Variants in DOCK1 observed in about 807,000 individuals in gnomAD.
DOCK1 encodes dedicator of cytokinesis 1.
Under a neutral mutation model 262.7 loss-of-function variants are expected in DOCK1, and 138 were observed. The observed-to-expected ratio is 0.53, with a 90% CI of 0.46 to 0.61. DOCK1 has a LOEUF of 0.61. DOCK1 is among the 20% of genes least tolerant of loss of function. The pLI is 0.00. For missense variants in DOCK1, 1,908 were observed against 2,370.7 expected, an observed-to-expected ratio of 0.80 and a Z score of 4.05; for synonymous variants, 866 against 867.4, an observed-to-expected ratio of 1.00 and a Z score of 0.03.
intron 29 of DOCK1, among the ~76,000 whole-genome samples, chr10:127,297,166 G>A (rs2135406520): frequency 6.6e-6 from 1 of 152,312 alleles, no homozygotes; most frequent in South Asian, 2.1e-4. Flanking sequence ...GCCAAGAAAT[G>A]TGGGTGGACA....
At chr10:126,961,775 T>G (rs1000450961) in intron 1 of DOCK1, among the ~76,000 whole-genome samples, 1 of 152,202 alleles carries the variant, frequency 6.6e-6, no homozygotes, top group Non-Finnish European at 1.5e-5. Flanking sequence ...GTTCCACTTT[T>G]TGGCTGTTGT....
intron 38 of DOCK1, among the ~76,000 whole-genome samples, chr10:127,395,927 C>T (rs915633938): frequency 6.6e-6 from 1 of 152,232 alleles, no homozygotes; most frequent in Admixed American, 6.5e-5. Context: ...CTGCAGAGAG[C>T]AGATGGAGGT....
rs1052296542 is a variant in DOCK1 at position 127,422,604 on chromosome 10, T to C, written c.4776+2855T>C. On this transcript the variant is annotated intron_variant, in intron 46 of 51. Transcript: ENST00000623213. ...TTGAAATCTGTTTGCTTTGGAATTA[T>C]GGTTTTGAACGTCCTCAGAGTTTGA... Among the ~76,000 whole-genome samples the C allele has an allele frequency of 4.6e-5, 7 of 152,246 alleles. No homozygotes were observed. In the East Asian group the frequency reaches 7.7e-4, roughly 17 times the overall value.
At chr10:127,392,281 G>T (rs1176024709) in intron 38 of DOCK1, among the ~76,000 whole-genome samples, 1 of 152,030 alleles carries the variant, frequency 6.6e-6, no homozygotes, top group Non-Finnish European at 1.5e-5. Flanking sequence ...GCATTTCTGA[G>T]AAGCTCCCAG....
Position 127,190,683 on chromosome 10 carries a change from C to T in DOCK1, c.2848-57325C>T, listed in dbSNP as rs1436783984. ...CCTATCTTCCCCCCCCCCCCCCCCC[C>T]GTTCCTGCTGGCTCCCAGATTTCTG... On this transcript the variant is annotated intron_variant, in intron 27 of 51. Transcript: ENST00000623213. 5.6e-4 allele frequency among the ~76,000 whole-genome samples: 34 copies of T among 61,216 alleles called. 1 individual carries two copies. The highest frequency in any genetic ancestry group is 1.7e-3 in the African/African-American group (28 of 16,858). The allele number at this position is 61,216 out of a possible 152,430, so 40.2% of individuals were successfully genotyped here.
intron 29 of DOCK1, among the ~76,000 whole-genome samples, chr10:127,320,045 T>C (rs2062450433): frequency 6.6e-6 from 1 of 152,124 alleles, no homozygotes; most frequent in Admixed American, 6.6e-5. Flanking sequence ...AGCAGAGCAG[T>C]CAACAAGTTA....
intron 29 of DOCK1, among the ~76,000 whole-genome samples, chr10:127,278,733 T>C (rs778913370): frequency 6.6e-6 from 1 of 152,230 alleles, no homozygotes; most frequent in Non-Finnish European, 1.5e-5. Flanking sequence ...AAAGATGTGT[T>C]GTTTCTTGGC....
rs2050576624 is a variant in DOCK1 at position 127,135,095 on chromosome 10, A to G, written c.2847+7331A>G. 2.0e-5 allele frequency among the ~76,000 whole-genome samples: 3 copies of G among 152,246 alleles called. No homozygotes were observed. In the South Asian group the frequency reaches 6.2e-4, roughly 32 times the overall value. On this transcript the variant is annotated intron_variant, in intron 27 of 51. Coordinates refer to ENST00000623213, the MANE Select transcript of DOCK1 (RefSeq NM_001290223.2). ...ACATGCCACAGTGTACTGTGGCAACACTCAATGTATTTAGCCATTTCTTCT... is the reference window on the plus strand; with the variant it reads ...ACATGCCACAGTGTACTGTGGCAACGCTCAATGTATTTAGCCATTTCTTCT...
At chr10:127,229,500 CCTTA>C (rs201471767) in intron 27 of DOCK1, among the ~76,000 whole-genome samples, 1,557 of 152,240 alleles carry the variant, frequency 0.01, 26 homozygotes, top group African/African-American at 0.035. Flanking sequence ...TCTTTCTGTG[CCTTA>C]CTTATTTCCC....
chr10:126,941,793 A>G (rs2035031050), intron 1 of DOCK1, among the ~76,000 whole-genome samples: 1 of 152,076 alleles, frequency 6.6e-6, no homozygotes, highest in Non-Finnish European at 1.5e-5. Flanking sequence ...CAAAAAAAAC[A>G]GCATTTGTGG....
chr10:127,036,979 A>AG (rs1221251000), intron 18 of DOCK1, among the ~76,000 whole-genome samples: 1 of 68,936 alleles, frequency 1.5e-5, no homozygotes, highest in Non-Finnish European at 2.9e-5. Context: ...CGCCATCTCA[A>AG]GGAAAAAAAA....
At chr10:127,405,618 G>A (rs11017896) in intron 40 of DOCK1, among the ~76,000 whole-genome samples, 3,651 of 152,162 alleles carry the variant, frequency 0.024, 54 homozygotes, top group Non-Finnish European at 0.029. Flanking sequence ...CTGTGTTTCC[G>A]ACTCCACGGG....
intron 40 of DOCK1, among the ~76,000 whole-genome samples, chr10:127,404,842 G>T (rs10829975): frequency 0.26 from 39,388 of 151,890 alleles, 5,172 homozygotes; most frequent in African/African-American, 0.27. Flanking sequence ...CATTAAACAC[G>T]AACTCCCCAT....
At chr10:127,090,246 G>T (rs1021553408) in intron 23 of DOCK1, among the ~76,000 whole-genome samples, 3 of 152,258 alleles carry the variant, frequency 2.0e-5, no homozygotes, top group African/African-American at 7.2e-5. Flanking sequence ...AGTGGCACCG[G>T]AACTCATTAA....
At chr10:126,987,655 G>A (rs770053415) in intron 5 of DOCK1, 38 bp downstream of exon 5, 2 of 1,505,706 alleles carry the variant, frequency 1.3e-6, no homozygotes, top group Non-Finnish European at 1.8e-6. Context: ...CTTAGAAATA[G>A]AGAGTGGGCT....
intron 29 of DOCK1, among the ~76,000 whole-genome samples, chr10:127,271,366 T>C (rs1334772495): frequency 2.6e-5 from 4 of 152,190 alleles, no homozygotes; most frequent in Non-Finnish European, 4.4e-5. Flanking sequence ...CAACACGAAA[T>C]TGGAAATAAA....
At chr10:126,952,968 G>T (rs981785380) in intron 1 of DOCK1, among the ~76,000 whole-genome samples, 19,337 of 150,636 alleles carry the variant, frequency 0.13, 1,652 homozygotes, top group East Asian at 0.27. Context: ...TTTTTTGTTG[G>T]TGGTATTGTT....
At chr10:127,001,735 A>G (rs9418753) in intron 10 of DOCK1, 66,039 of 156,690 alleles carry the variant, frequency 0.42, 14,435 homozygotes, top group South Asian at 0.52. Context: ...CTTGAATTCA[A>G]TTTACCCATA....
At chr10:127,115,948 TTACTGTG>T (rs1209340792) in intron 25 of DOCK1, among the ~76,000 whole-genome samples, 2 of 152,238 alleles carry the variant, frequency 1.3e-5, no homozygotes, top group African/African-American at 4.8e-5. Context: ...TCTTTGGAGC[TTACTGTG>T]TACTTATCAT....
Sources: allele counts gnomAD v4.1 joint callset (sites outside exome capture counted in the v4.1 genomes callset), GRCh38; gene constraint gnomAD v4.1.1; transcripts MANE v1.5; gene names NCBI Gene and HGNC (gene_info 2026-07-23, HGNC 2026-07-21).